DMD: variants seen among roughly 807,000 people sequenced by gnomAD.
DMD encodes dystrophin.
Under a neutral mutation model 330.1 loss-of-function variants are expected in DMD, and 63 were observed. That is an observed-to-expected ratio of 0.19 (90% CI 0.16 to 0.24). The LOEUF is 0.24. Ranked by LOEUF, DMD falls within the 10% of genes least tolerant of loss-of-function variation. The pLI is 1.00. For synonymous variants in DMD, 1,223 were observed against 959.8 expected, an observed-to-expected ratio of 1.27 and a Z score of -5.07; for missense variants, 3,344 against 2,684.1, an observed-to-expected ratio of 1.25 and a Z score of -5.43.
At chrX:32,284,929 A>G (rs1263693421) in intron 43 of DMD, among the ~76,000 whole-genome samples, 1 of 111,775 alleles carries the variant, frequency 8.9e-6, no homozygotes, top group Non-Finnish European at 1.9e-5. Context: ...TCAAAACCAG[A>G]AAAGTCCTCA....
chrX:31,833,289 AGAGG>A (rs1208368771), intron 49 of DMD, among the ~76,000 whole-genome samples: 12 of 11,097 alleles, frequency 1.1e-3, no homozygotes, highest in East Asian at 9.0e-3. Flanking sequence ...AGAGAGAGAG[AGAGG>A]GAGAGAGGGA....
At position 32,698,015 on chromosome X, in the gene DMD, G is replaced by A. The variant is rs72470514; in HGVS notation, c.832-17C>T. On this transcript the variant is annotated splice_polypyrimidine_tract_variant and intron_variant, in intron 8 of 78. Transcript: ENST00000357033. ...GACCGTGATCTGCAGAGAAGGGTTTGGGGGAGTGGATAGAGAGGAGGGGGA... is the reference window on the plus strand; with the variant it reads ...GACCGTGATCTGCAGAGAAGGGTTTAGGGGAGTGGATAGAGAGGAGGGGGA... 42 of 1,179,922 alleles carry A rather than the reference G, an allele frequency of 3.6e-5. No individual in the cohort carries two copies. Among genetic ancestry groups the A allele is most frequent in the Non-Finnish European group, 4.5e-5 (40 of 879,961 alleles).
chrX:33,134,602 C>T (rs768953489), intron 1 of DMD, among the ~76,000 whole-genome samples: 2 of 111,730 alleles, frequency 1.8e-5, no homozygotes, highest in African/African-American at 3.2e-5. Context: ...TTAATGTTCT[C>T]GCTACAAAAA....
At chrX:31,726,162 T>C (rs948807767) in intron 52 of DMD, among the ~76,000 whole-genome samples, 2 of 112,517 alleles carry the variant, frequency 1.8e-5, no homozygotes, top group Non-Finnish European at 3.8e-5. Flanking sequence ...AGATTATTAC[T>C]GCATGATTTC....
intron 61 of DMD, among the ~76,000 whole-genome samples, chrX:31,328,642 G>C (rs1430007913): frequency 9.0e-6 from 1 of 111,373 alleles, no homozygotes; most frequent in African/African-American, 3.3e-5. Flanking sequence ...ATGATCTTAA[G>C]CTAGTCTTTT....
rs1172807834 is a variant in DMD, at chrX:32,645,059, A to G, written c.1054T>C (p.Leu352=). The G allele has an allele frequency of 1.7e-6, 2 of 1,211,433 alleles. No individual in the cohort carries two copies. The highest frequency in any genetic ancestry group is 1.7e-5 in the African/African-American group (1 of 57,770). The part of the protein sequence containing the change: ...DRYQTALEEV[L]SWLLSAEDTL... ...TCCTCAGCAGAAAGAAGCCACGATAATACTTCTTCTAAAGCTGTTTGATAA... is the reference window on the plus strand; with the variant it reads ...TCCTCAGCAGAAAGAAGCCACGATAGTACTTCTTCTAAAGCTGTTTGATAA... Residue 352 remains leucine (L), a synonymous_variant, in exon 10 of 79, where the codon TTA becomes CTA. Coordinates refer to ENST00000357033, the MANE Select transcript of DMD (RefSeq NM_004006.3).
chrX:32,597,435 T>A (rs2055684195), intron 12 of DMD, among the ~76,000 whole-genome samples: 1 of 111,542 alleles, frequency 9.0e-6, no homozygotes, highest in Admixed American at 9.5e-5. Context: ...GGGGAAAACA[T>A]GCACAGATGA....
intron 2 of DMD, among the ~76,000 whole-genome samples, chrX:32,937,338 GCTGCAGC>G (rs2090090518): frequency 9.1e-6 from 1 of 109,324 alleles, no homozygotes; most frequent in Admixed American, 1.0e-4. Flanking sequence ...TACTCCTCCT[GCTGCAGC>G]CTGTCTCAAC....
At chrX:32,227,046 T>G (rs1416044059) in intron 43 of DMD, among the ~76,000 whole-genome samples, 1 of 106,640 alleles carries the variant, frequency 9.4e-6, no homozygotes, top group Admixed American at 1.0e-4. Flanking sequence ...GGATGCACAT[T>G]TAGGGACTGT....
chrX:32,100,705 C>A (rs1223287733), intron 44 of DMD, among the ~76,000 whole-genome samples: 1 of 111,044 alleles, frequency 9.0e-6, no homozygotes, highest in African/African-American at 3.3e-5. Context: ...TCCCGTGCAT[C>A]CGTCAAAGGC....
At chrX:31,240,487 A>AT (rs1422720594) in intron 63 of DMD, among the ~76,000 whole-genome samples, 1 of 111,486 alleles carries the variant, frequency 9.0e-6, no homozygotes, top group East Asian at 2.8e-4. Context: ...ATGATTGAGT[A>AT]TTAAATCTAT....
intron 50 of DMD, among the ~76,000 whole-genome samples, chrX:31,806,094 C>T (rs1182419814): frequency 1.8e-5 from 2 of 112,350 alleles, no homozygotes; most frequent in African/African-American, 6.5e-5. Flanking sequence ...TACTATCTGG[C>T]TTTTTACAGA....
chrX:31,840,115 C>T (rs1056181341), intron 48 of DMD, among the ~76,000 whole-genome samples: 12 of 111,559 alleles, frequency 1.1e-4, no homozygotes, highest in Non-Finnish European at 1.7e-4. Flanking sequence ...CCTCTGTCCC[C>T]CAATACAGAT....
intron 1 of DMD, among the ~76,000 whole-genome samples, chrX:33,181,067 A>ATATG (rs1287215708): frequency 9.0e-6 from 1 of 110,674 alleles, no homozygotes; most frequent in Non-Finnish European, 1.9e-5. Flanking sequence ...ATACACACAT[A>ATATG]TATGTATGTA....
chrX:32,102,518 AAC>A (rs1229856468), intron 44 of DMD, among the ~76,000 whole-genome samples: 1 of 111,452 alleles, frequency 9.0e-6, no homozygotes, highest in Non-Finnish European at 1.9e-5. Context: ...TTGGTTGTAT[AAC>A]ACAGTTACTT....
chrX:31,803,754 C>T (rs2092182689), intron 50 of DMD, among the ~76,000 whole-genome samples: 2 of 108,856 alleles, frequency 1.8e-5, no homozygotes, highest in Admixed American at 2.0e-4. Context: ...GGCTGGAGCG[C>T]AATGGCACAA....
At chrX:31,449,809 TAGATAGAA>T (rs2065589978) in intron 59 of DMD, among the ~76,000 whole-genome samples, 1 of 98,301 alleles carries the variant, frequency 1.0e-5, no homozygotes, top group African/African-American at 3.6e-5. Context: ...GATAGATAGA[TAGATAGAA>T]ATCTGGCTAT....
chrX:33,177,574 C>T (rs755660148), intron 1 of DMD, among the ~76,000 whole-genome samples: 3 of 110,302 alleles, frequency 2.7e-5, no homozygotes, highest in South Asian at 7.8e-4. Flanking sequence ...TTAGTAGAGA[C>T]GGGGTTTCAC....
At chrX:32,028,820 T>C (rs16990055) in intron 44 of DMD, among the ~76,000 whole-genome samples, 7,176 of 111,272 alleles carry the variant, frequency 0.064, 463 homozygotes, top group African/African-American at 0.19. Flanking sequence ...ATACCATTTT[T>C]TTTTTGTGCA....
Sources: allele counts gnomAD v4.1 joint callset (sites outside exome capture counted in the v4.1 genomes callset), GRCh38; gene constraint gnomAD v4.1.1; transcripts MANE v1.5; gene names NCBI Gene and HGNC (gene_info 2026-07-23, HGNC 2026-07-21).